VNN1: variants seen among roughly 807,000 people sequenced by gnomAD.
The protein encoded by VNN1 is pantetheinase.
In VNN1, 29 loss-of-function variants were observed where a neutral mutation model predicts 41.9. The ratio of observed to expected loss-of-function variants is 0.69; its 90% CI spans 0.52 to 0.94. The LOEUF is 0.94. Ranked by LOEUF, VNN1 falls within the 40% of genes least tolerant of loss-of-function variation. VNN1 has a pLI of 0.00. For synonymous variants in VNN1, 233 were observed against 224.4 expected (o/e 1.04, Z -0.34); for missense variants, 637 against 621.1 (o/e 1.03, Z -0.27).
chr6:132,712,986 T>C (rs2114380799), intron 1 of VNN1, among the ~76,000 whole-genome samples: 2 of 152,146 alleles, frequency 1.3e-5, no homozygotes, highest in South Asian at 4.1e-4. Context: ...AATACAAAAC[T>C]TAGCTGGGCA....
chr6:132,692,148 A>G, intron 5 of VNN1, 75 bp downstream of exon 5: 2 of 1,410,124 alleles, frequency 1.4e-6, no homozygotes, highest in South Asian at 3.6e-5. Flanking sequence ...AAAATCATTC[A>G]TTATTTATCT....
chr6:132,703,839 C>A (rs779694552), intron 2 of VNN1, among the ~76,000 whole-genome samples: 1 of 152,006 alleles, frequency 6.6e-6, no homozygotes, highest in Non-Finnish European at 1.5e-5. Context: ...TAAAGACACA[C>A]ACAGACAGAA....
chr6:132,681,955 T>G lies in VNN1; in HGVS notation c.*1185A>C, dbSNP rs1778130781. 1 of 152,488 alleles carries G rather than the reference T, an allele frequency of 6.6e-6. No individual in the cohort carries two copies. Among genetic ancestry groups the G allele is most frequent in the Non-Finnish European group, 1.5e-5 (1 of 68,048 alleles). The allele number at this position is 152,488 out of a possible 1,614,324, so 9.4% of individuals were successfully genotyped here. A position where few individuals can be genotyped will look rare whatever the true frequency, so the allele number is the denominator to read the frequency against. On this transcript the variant is annotated 3_prime_UTR_variant, in exon 7 of 7. Coordinates refer to ENST00000367928, the MANE Select transcript of VNN1 (RefSeq NM_004666.3). ...CAGTGCATGGCTGTTATCGGTACTA[T>G]GTAATTGTCCATCATCACAGCACTA...
At chr6:132,712,108 A>G (rs1189357826) in intron 1 of VNN1, among the ~76,000 whole-genome samples, 2 of 148,494 alleles carry the variant, frequency 1.3e-5, no homozygotes, top group Non-Finnish European at 3.0e-5. Context: ...GATATGTTAC[A>G]TAATGGTGAG....
chr6:132,708,067 A>G (rs570569482), intron 2 of VNN1, among the ~76,000 whole-genome samples: 4 of 152,338 alleles, frequency 2.6e-5, no homozygotes, highest in African/African-American at 7.2e-5. Flanking sequence ...ATATACATCT[A>G]CTATGTACCC....
rs139598473 is a variant in VNN1 at position 132,707,536 on chromosome 6, A to G, written c.341+4173T>C. On this transcript the variant is annotated intron_variant, in intron 2 of 6. Coordinates refer to ENST00000367928, the MANE Select transcript of VNN1 (RefSeq NM_004666.3). The stretch of plus-strand genomic sequence containing the variant: ...TGTTCACAATAGCCAAAATTTGGAA[A>G]CAACCGTGTGGTACATGTACACAAT... 3.2e-3 allele frequency among the ~76,000 whole-genome samples: 492 copies of G among 152,364 alleles called. 2 individuals are homozygous for G. Among genetic ancestry groups the G allele is most frequent in the Non-Finnish European group, 5.3e-3 (359 of 68,028 alleles).
chr6:132,710,447 C>T (rs1298967900), intron 2 of VNN1, among the ~76,000 whole-genome samples: 4 of 152,012 alleles, frequency 2.6e-5, no homozygotes, highest in African/African-American at 4.8e-5. Flanking sequence ...TAGGTATACA[C>T]GTGCCATGGT....
chr6:132,707,202 G>A (rs964873559), intron 2 of VNN1, among the ~76,000 whole-genome samples: 6 of 144,264 alleles, frequency 4.2e-5, no homozygotes, highest in South Asian at 2.3e-4. Flanking sequence ...CTTCAGCCTG[G>A]GCAACAAGAG....
intron 5 of VNN1, among the ~76,000 whole-genome samples, chr6:132,684,923 T>G (rs1049309742): frequency 1.3e-5 from 2 of 152,262 alleles, no homozygotes; most frequent in Admixed American, 1.3e-4. Context: ...ATTAGCCCTG[T>G]AAAAGCAATC....
At chr6:132,684,132 A>T (rs1244802980) in intron 6 of VNN1, among the ~76,000 whole-genome samples, 1 of 152,132 alleles carries the variant, frequency 6.6e-6, no homozygotes, top group Non-Finnish European at 1.5e-5. Flanking sequence ...ATATTTTTTT[A>T]TTCTGAAGGA....
intron 5 of VNN1, among the ~76,000 whole-genome samples, chr6:132,687,182 A>G (rs979162126): frequency 5.9e-5 from 9 of 152,226 alleles, no homozygotes; most frequent in Non-Finnish European, 8.8e-5. Context: ...CAGGAATCAG[A>G]AGAACTTCAG....
intron 2 of VNN1, among the ~76,000 whole-genome samples, chr6:132,704,917 A>G (rs540188917): frequency 6.6e-6 from 1 of 152,082 alleles, no homozygotes; most frequent in Non-Finnish European, 1.5e-5. Flanking sequence ...ATGCCGATAA[A>G]TTGGAAAACC....
rs538200156 is a variant in VNN1 at position 132,684,951 on chromosome 6, C to T, written c.1189-446G>A. 2.0e-5 allele frequency among the ~76,000 whole-genome samples: 3 copies of T among 152,326 alleles called. No individual in the cohort carries two copies. The East Asian group carries it at 5.8e-4, about 29-fold the overall frequency. ...AAGCAATCAGATCCTTGGCCTATAG[C>T]CATGAACAGCTATATCTTCATTGTT... is the stretch of plus-strand genomic sequence containing the variant. On this transcript the variant is annotated intron_variant, in intron 5 of 6. Coordinates refer to ENST00000367928, the MANE Select transcript of VNN1 (RefSeq NM_004666.3).
At chr6:132,705,957 A>C (rs1048795170) in intron 2 of VNN1, among the ~76,000 whole-genome samples, 1 of 152,170 alleles carries the variant, frequency 6.6e-6, no homozygotes, top group Middle Eastern at 3.2e-3. Context: ...ATTTATCCAA[A>C]GAAGAGAAAG....
intron 2 of VNN1, among the ~76,000 whole-genome samples, chr6:132,702,537 A>G (rs1195252002): frequency 6.6e-6 from 1 of 152,156 alleles, no homozygotes; most frequent in East Asian, 1.9e-4. Flanking sequence ...CACCAGCTGG[A>G]GTAGTCAAAG....
chr6:132,703,100 A>C (rs555320892), intron 2 of VNN1, among the ~76,000 whole-genome samples: 16 of 152,324 alleles, frequency 1.1e-4, no homozygotes, highest in Admixed American at 5.9e-4. Flanking sequence ...CCTGGATGGC[A>C]TTTCTAGACC....
intron 1 of VNN1, 39 bp downstream of exon 1, chr6:132,713,787 A>T: frequency 6.2e-7 from 1 of 1,601,262 alleles, no homozygotes; most frequent in Non-Finnish European, 8.5e-7. Flanking sequence ...CTCCTTTCTC[A>T]TAGAATCCAG....
chr6:132,689,086 C>T (rs1778245481), intron 5 of VNN1, among the ~76,000 whole-genome samples: 1 of 152,128 alleles, frequency 6.6e-6, no homozygotes, highest in Non-Finnish European at 1.5e-5. Flanking sequence ...ACAGGTTTCA[C>T]CATGTTGGAC....
chr6:132,712,300 C>T (rs1363537875), intron 1 of VNN1, among the ~76,000 whole-genome samples: 4 of 152,048 alleles, frequency 2.6e-5, no homozygotes, highest in Non-Finnish European at 5.9e-5. Context: ...CAGGCATCTG[C>T]CACCACGCCT....
Sources: allele counts gnomAD v4.1 joint callset (sites outside exome capture counted in the v4.1 genomes callset), GRCh38; gene constraint gnomAD v4.1.1; transcripts MANE v1.5; gene names NCBI Gene and HGNC (gene_info 2026-07-23, HGNC 2026-07-21).